SND1: variants seen among roughly 807,000 people sequenced by gnomAD.
SND1 encodes the protein staphylococcal nuclease domain-containing protein 1.
SND1 carries 38 observed loss-of-function variants against 121.7 expected under a neutral mutation model. The observed-to-expected ratio is 0.31, with a 90% confidence interval of 0.24 to 0.41. The LOEUF is 0.41. SND1 is among the 10% of genes least tolerant of loss of function. SND1 has a pLI of 1.00. For synonymous variants in SND1, 401 were observed against 447.4 expected (o/e 0.90, Z 1.31); for missense variants, 868 against 1,184.6 (o/e 0.73, Z 3.92).
At position 127,774,199 on chromosome 7, in the gene SND1, G is replaced by C. The variant is rs138372197; in HGVS notation, c.1153-33285G>C. ...TTGCCCCTGAAGACCTTCTAAGTGG[G>C]ACAAGATGTGGAGATTCAAGACAGT... On this transcript the variant is annotated intron_variant, in intron 10 of 23. Transcript: ENST00000354725. Among the ~76,000 whole-genome samples the C allele has an allele frequency of 6.6e-5, 10 of 152,250 alleles. No individual in the cohort carries two copies. The East Asian group carries it at 1.9e-3, about 29-fold the overall frequency.
intron 15 of SND1, among the ~76,000 whole-genome samples, chr7:127,940,173 A>G (rs1253276062): frequency 2.6e-5 from 4 of 151,902 alleles, no homozygotes; most frequent in East Asian, 3.9e-4. Context: ...GGAATGGGAA[A>G]CTTCCAGAAA....
At chr7:127,940,569 C>A (rs1327350555) in intron 15 of SND1, among the ~76,000 whole-genome samples, 1 of 152,186 alleles carries the variant, frequency 6.6e-6, no homozygotes, top group Non-Finnish European at 1.5e-5. Flanking sequence ...AGACTTAATC[C>A]TGGTTGCTAT....
intron 10 of SND1, among the ~76,000 whole-genome samples, chr7:127,772,121 A>C (rs928883771): frequency 6.6e-6 from 1 of 152,230 alleles, no homozygotes; most frequent in African/African-American, 2.4e-5. Context: ...AGTGGAACAT[A>C]TATGTCAGTG....
intron 15 of SND1, among the ~76,000 whole-genome samples, chr7:127,935,765 T>C (rs1347071991): frequency 3.3e-5 from 5 of 152,226 alleles, no homozygotes; most frequent in South Asian, 2.1e-4. Flanking sequence ...CTCCATTATG[T>C]AAGTGTGGCA....
intron 16 of SND1, among the ~76,000 whole-genome samples, chr7:128,023,864 T>C (rs2116968452): frequency 6.6e-6 from 1 of 152,344 alleles, no homozygotes; most frequent in South Asian, 2.1e-4. Context: ...GTCACACACA[T>C]ACATATATAA....
intron 15 of SND1, among the ~76,000 whole-genome samples, chr7:127,981,528 T>G (rs1029374468): frequency 6.8e-6 from 1 of 147,500 alleles, no homozygotes; most frequent in South Asian, 2.1e-4. Flanking sequence ...AGTGAGAGGG[T>G]TTTTTTTTTC....
chr7:127,967,619 C>T (rs1465045114), intron 15 of SND1, among the ~76,000 whole-genome samples: 1 of 152,184 alleles, frequency 6.6e-6, no homozygotes, highest in Non-Finnish European at 1.5e-5. Context: ...CTGGCTTATC[C>T]TCACTCCTGC....
At chr7:128,027,839 C>T (rs1276553364) in intron 16 of SND1, 1 of 152,072 alleles carries the variant, frequency 6.6e-6, no homozygotes, top group Non-Finnish European at 1.5e-5. Context: ...TCAGGGGCCT[C>T]CTCCTCCTGG....
intron 16 of SND1, among the ~76,000 whole-genome samples, chr7:128,056,610 A>G (rs1233887217): frequency 6.6e-6 from 1 of 152,222 alleles, no homozygotes; most frequent in African/African-American, 2.4e-5. Context: ...TTTCTGCCAC[A>G]AAATCAAGCT....
intron 8 of SND1, among the ~76,000 whole-genome samples, chr7:127,706,198 T>C (rs370826462): frequency 1.3e-5 from 2 of 151,756 alleles, no homozygotes; most frequent in Non-Finnish European, 2.9e-5. Flanking sequence ...TTATGTTCAT[T>C]AGTATTCTAA....
In SND1 at chr7:127,844,308, G is replaced by C. The variant is rs780444374; in HGVS notation, c.1243-16G>C. On this transcript the variant is annotated splice_polypyrimidine_tract_variant and intron_variant, in intron 11 of 23. Coordinates refer to ENST00000354725, the MANE Select transcript of SND1 (RefSeq NM_014390.4). The stretch of plus-strand genomic sequence containing the variant: ...GCAGACTCTCAACCCTAATTCCCTT[G>C]ATTCTTTGTTTCCAGGTCAATGTGA... 6.2e-7 allele frequency: 1 copy of C among 1,609,648 alleles called. No individual in the cohort carries two copies. The highest frequency in any genetic ancestry group is 8.5e-7 in the Non-Finnish European group (1 of 1,176,892).
At chr7:128,074,154 G>A (rs954134804) in intron 16 of SND1, among the ~76,000 whole-genome samples, 2 of 152,166 alleles carry the variant, frequency 1.3e-5, no homozygotes, top group African/African-American at 2.4e-5. Flanking sequence ...ACAGAGCTGG[G>A]GAGGGTGCTG....
At chr7:127,770,299 A>G (rs1797491851) in intron 10 of SND1, among the ~76,000 whole-genome samples, 1 of 152,256 alleles carries the variant, frequency 6.6e-6, no homozygotes, top group South Asian at 2.1e-4. Flanking sequence ...ACAAATAAAT[A>G]CAATGTTTTG....
chr7:127,992,943 G>A (rs1178696435), intron 16 of SND1, among the ~76,000 whole-genome samples: 1 of 152,166 alleles, frequency 6.6e-6, no homozygotes, highest in Non-Finnish European at 1.5e-5. Flanking sequence ...GGTGCTCTTG[G>A]TATGTAATTG....
Position 127,721,370 on chromosome 7 carries a change from A to T in SND1, c.1122A>T (p.Arg374=). 6.2e-7 allele frequency: 1 copy of T among 1,612,560 alleles called. No homozygotes were observed. ...AGACGATTCACCTGTCCAGCATCCG[A>T]CCACCGAGGCTGGAGGGGGAGAACA... ...DYKTIHLSSI[R]PPRLEGENTQ... is the part of the protein sequence containing the mutation. The change falls in exon 10 of 24, where the codon CGA becomes CGT. Residue 374 remains arginine (R), a synonymous_variant. Coordinates refer to ENST00000354725, the MANE Select transcript of SND1 (RefSeq NM_014390.4).
At chr7:128,023,858 C>G (rs962134123) in intron 16 of SND1, among the ~76,000 whole-genome samples, 1 of 152,104 alleles carries the variant, frequency 6.6e-6, no homozygotes, top group Admixed American at 6.5e-5. Context: ...ATCTATGTCA[C>G]ACACATACAT....
At chr7:127,796,109 G>A (rs1798020371) in intron 10 of SND1, among the ~76,000 whole-genome samples, 1 of 151,340 alleles carries the variant, frequency 6.6e-6, no homozygotes, top group African/African-American at 2.4e-5. Flanking sequence ...CGCCCTCCTT[G>A]GCCTCCCAAA....
intron 18 of SND1, chr7:128,081,823 T>A: frequency 1.8e-6 from 1 of 568,420 alleles, no homozygotes; most frequent in Non-Finnish European, 3.5e-6. Context: ...TGTTTGTTCC[T>A]ACATACCCCT....
intron 4 of SND1, 129 bp from the exon 5 acceptor site, chr7:127,701,034 A>C (rs890249469): frequency 4.1e-6 from 4 of 975,258 alleles, no homozygotes; most frequent in Admixed American, 2.5e-5. Context: ...TTGGGTCTTA[A>C]GCCATAGATC....
Sources: allele counts gnomAD v4.1 joint callset (sites outside exome capture counted in the v4.1 genomes callset), GRCh38; gene constraint gnomAD v4.1.1; transcripts MANE v1.5; gene names NCBI Gene and HGNC (gene_info 2026-07-23, HGNC 2026-07-21).